The following P2RY6 variants were observed in gnomAD, a reference collection of about 807,000 sequenced individuals.
P2RY6 encodes pyrimidinergic receptor P2Y6.
Under a neutral mutation model 16.3 loss-of-function variants are expected in P2RY6, and 19 were observed. The ratio of observed to expected loss-of-function variants is 1.16; its 90% CI spans 0.81 to 1.71. The LOEUF is 1.71. Among genes scored for constraint, P2RY6 ranks in the 40% most tolerant of loss-of-function variants. The pLI, the probability that P2RY6 is intolerant of heterozygous loss-of-function variation, is 0.00. For missense variants in P2RY6, 389 were observed against 455.5 expected, an observed-to-expected ratio of 0.85 and a Z score of 1.33; for synonymous variants, 184 against 201.5, an observed-to-expected ratio of 0.91 and a Z score of 0.74.
At chr11:73,285,128 T>C (rs1863918167) in intron 1 of P2RY6, among the ~76,000 whole-genome samples, 1 of 152,224 alleles carries the variant, frequency 6.6e-6, no homozygotes, top group Non-Finnish European at 1.5e-5. Flanking sequence ...TGGAATGCAG[T>C]GGTGTGATCA....
chr11:73,288,100 G>A (rs1864040659), intron 1 of P2RY6, among the ~76,000 whole-genome samples: 1 of 152,234 alleles, frequency 6.6e-6, no homozygotes, highest in Non-Finnish European at 1.5e-5. Context: ...CACCTCATCT[G>A]TAAAGTGGAA....
At chr11:73,294,153 C>T (rs765561622) in intron 1 of P2RY6, among the ~76,000 whole-genome samples, 2 of 152,156 alleles carry the variant, frequency 1.3e-5, no homozygotes, top group Non-Finnish European at 2.9e-5. Flanking sequence ...TTCAACCTTC[C>T]TCCTCACCCG....
intron 1 of P2RY6, among the ~76,000 whole-genome samples, chr11:73,293,971 G>A (rs1159140617): frequency 6.6e-6 from 1 of 152,146 alleles, no homozygotes; most frequent in African/African-American, 2.4e-5. Context: ...GACCCTGTGT[G>A]AGGAGAGGGG....
Position 73,297,765 on chromosome 11 carries a change from A to C in P2RY6, c.*260A>C. On this transcript the variant is annotated 3_prime_UTR_variant, in exon 3 of 3. Transcript: ENST00000540124. ...AGCCATGGAGAGCTGGGGAAACCAC[A>C]TTAAGGTGCTCACAAAAATACAGTG... 1.9e-6 allele frequency: 1 copy of C among 523,730 alleles called. No individual in the cohort carries two copies. The highest frequency in any genetic ancestry group is 3.5e-6 in the Non-Finnish European group (1 of 285,286). The allele number at this position is 523,730 out of a possible 1,614,324, so 32.4% of individuals were successfully genotyped here.
At chr11:73,268,811 T>C (rs374627036), upstream of P2RY6, among the ~76,000 whole-genome samples, 2 of 152,218 alleles carry the variant, frequency 1.3e-5, no homozygotes, top group East Asian at 3.9e-4. Context: ...TTTTCCCTCC[T>C]GACTCCTGGG....
In P2RY6 at chr11:73,297,501, G is replaced by A. The variant is rs193163379; in HGVS notation, c.983G>A (p.Arg328His). 3.9e-5 allele frequency: 63 copies of A among 1,604,836 alleles called. No individual in the cohort carries two copies. Among genetic ancestry groups the A allele is most frequent in the South Asian group, 3.5e-4 (32 of 90,880 alleles). Residue 328 changes from arginine (R) to histidine (H), a missense_variant, in exon 3 of 3, where the codon CGC (arginine) becomes CAC (histidine). Transcript: ENST00000540124. ...KLTAKWQRQG[R>H] is the part of the protein sequence containing the mutation. ...ACAGCCAAATGGCAGAGGCAGGGTC[G>A]CTGAGTCCTCCAGGTCCTGGGCAGC... is the stretch of plus-strand genomic sequence containing the variant.
chr11:73,293,358 T>C (rs1301227336), intron 1 of P2RY6, among the ~76,000 whole-genome samples: 2 of 152,100 alleles, frequency 1.3e-5, no homozygotes, highest in African/African-American at 4.8e-5. Flanking sequence ...GGGTCTTGAA[T>C]GTCAGGAAAA....
chr11:73,287,065 C>G (rs1863999240), intron 1 of P2RY6, among the ~76,000 whole-genome samples: 2 of 152,184 alleles, frequency 1.3e-5, no homozygotes, highest in African/African-American at 2.4e-5. Flanking sequence ...AAAGGTAAAA[C>G]CTCAGGCACA....
intron 1 of P2RY6, among the ~76,000 whole-genome samples, chr11:73,284,542 T>TCA (rs1863891164): frequency 1.3e-5 from 2 of 152,186 alleles, no homozygotes; most frequent in Non-Finnish European, 2.9e-5. Context: ...AGCCCAAATC[T>TCA]CACACACACG....
intron 2 of P2RY6, 52 bp downstream of exon 2, chr11:73,295,867 G>A (rs893664551): frequency 1.8e-5 from 14 of 766,088 alleles, no homozygotes; most frequent in African/African-American, 1.3e-4. Flanking sequence ...GCCCTTTTCC[G>A]CCCCAGACCC....
At chr11:73,290,342 A>G (rs112276957) in intron 1 of P2RY6, among the ~76,000 whole-genome samples, 36 of 145,922 alleles carry the variant, frequency 2.5e-4, no homozygotes, top group Middle Eastern at 3.4e-3. Flanking sequence ...AAAGAAAGAA[A>G]GAAAGAAAGA....
chr11:73,284,837 A>C (rs1863904698), intron 1 of P2RY6, among the ~76,000 whole-genome samples: 1 of 152,196 alleles, frequency 6.6e-6, no homozygotes, highest in East Asian at 1.9e-4. Context: ...AAAAACACGA[A>C]AACCCCTGCC....
upstream of P2RY6, chr11:73,270,154 A>T (rs1863241067): frequency 6.6e-6 from 1 of 152,160 alleles, no homozygotes. Flanking sequence ...CACTCCTGAT[A>T]TGTAAGTGCC....
At chr11:73,288,863 C>A (rs1203375163) in intron 1 of P2RY6, among the ~76,000 whole-genome samples, 2 of 152,228 alleles carry the variant, frequency 1.3e-5, no homozygotes, top group Non-Finnish European at 2.9e-5. Flanking sequence ...ACTCTTGACC[C>A]CTGACATCCT....
chr11:73,296,535 GC>G lies in P2RY6; in HGVS notation c.18del (p.Thr7GlnfsTer37). MEWDN[G>X]TGQALGLPPT... ...TGGGCAGCCATGGAATGGGACAATG[GC>G]ACAGGCCAGGCTCTGGGCTTGCCAC... On this transcript the variant is annotated frameshift_variant, in exon 3 of 3. Transcript: ENST00000540124. LOFTEE classifies it high-confidence loss of function. The G allele has an allele frequency of 6.2e-7, 1 of 1,613,946 alleles. No homozygotes were observed. Among genetic ancestry groups the G allele is most frequent in the Non-Finnish European group, 8.5e-7 (1 of 1,179,874 alleles).
chr11:73,266,687 G>T (rs1863115462), intron 1 of P2RY6, among the ~76,000 whole-genome samples: 1 of 152,242 alleles, frequency 6.6e-6, no homozygotes, highest in South Asian at 2.1e-4. Flanking sequence ...AGGACAAGGG[G>T]ACATAAAAGG....
chr11:73,289,165 A>G (rs1864088089), intron 1 of P2RY6, among the ~76,000 whole-genome samples: 1 of 152,254 alleles, frequency 6.6e-6, no homozygotes, highest in Non-Finnish European at 1.5e-5. Flanking sequence ...CTGAAGGGCT[A>G]GGCCCCTTGT....
chr11:73,292,445 C>T (rs185697849), intron 1 of P2RY6, among the ~76,000 whole-genome samples: 79 of 152,278 alleles, frequency 5.2e-4, no homozygotes, highest in Non-Finnish European at 6.0e-4. Context: ...ATGGACACCC[C>T]GTGGCTCTGA....
chr11:73,291,256 T>C (rs1388043449), intron 1 of P2RY6, among the ~76,000 whole-genome samples: 2 of 152,198 alleles, frequency 1.3e-5, no homozygotes, highest in African/African-American at 2.4e-5. Flanking sequence ...TCCATCCAGG[T>C]TGCAGGGACT....
Sources: allele counts gnomAD v4.1 joint callset (sites outside exome capture counted in the v4.1 genomes callset), GRCh38; gene constraint gnomAD v4.1.1; transcripts MANE v1.5; gene names NCBI Gene and HGNC (gene_info 2026-07-23, HGNC 2026-07-21).